Variants in NPRL3 observed in about 807,000 individuals in gnomAD.
NPRL3 encodes the protein NPR3 like, GATOR1 complex subunit, also known as GATOR1 complex protein NPRL3.
Under a neutral mutation model 57.2 loss-of-function variants are expected in NPRL3, and 23 were observed. That is an observed-to-expected ratio of 0.40 (90% CI 0.29 to 0.57). The LOEUF (loss-of-function observed/expected upper bound fraction) is 0.57. Among genes scored for constraint, NPRL3 ranks in the 20% least tolerant of loss-of-function variants. The pLI is 0.42. For synonymous variants in NPRL3, 333 were observed against 321.1 expected (o/e 1.04, Z -0.39); for missense variants, 691 against 767.1 (o/e 0.90, Z 1.17).
At chr16:110,661 C>T in intron 6 of NPRL3, 55 bp from the exon 7 acceptor site, 5 of 1,441,934 alleles carry the variant, frequency 3.5e-6, no homozygotes, top group Non-Finnish European at 4.8e-6. Flanking sequence ...GATTCTCCTG[C>T]CTCAGCCTTC....
At chr16:95,384 C>A (rs973950433) in intron 9 of NPRL3, among the ~76,000 whole-genome samples, 309 of 116,122 alleles carry the variant, frequency 2.7e-3, no homozygotes, top group African/African-American at 8.6e-3. Flanking sequence ...CACACACACA[C>A]AATAAAATGT....
At chr16:103,270 A>G (rs1413237556) in intron 7 of NPRL3, among the ~76,000 whole-genome samples, 8 of 139,278 alleles carry the variant, frequency 5.7e-5, no homozygotes, top group African/African-American at 2.2e-4. Flanking sequence ...CTGGGACTAC[A>G]GACGTGCAAC....
intron 2 of NPRL3, among the ~76,000 whole-genome samples, chr16:136,928 C>T (rs1901116311): frequency 6.6e-6 from 1 of 151,778 alleles, no homozygotes; most frequent in East Asian, 1.9e-4. Flanking sequence ...ACTGAACAGT[C>T]CGGGTGCGGT....
intron 3 of NPRL3, among the ~76,000 whole-genome samples, chr16:129,129 A>G (rs998747292): frequency 6.6e-6 from 1 of 152,180 alleles, no homozygotes; most frequent in African/African-American, 2.4e-5. Context: ...CTGAAAATTA[A>G]CTGCAGGAAT....
chr16:97,090 C>T (rs1453290765), intron 9 of NPRL3, among the ~76,000 whole-genome samples: 3 of 152,242 alleles, frequency 2.0e-5, no homozygotes, highest in Non-Finnish European at 2.9e-5. Flanking sequence ...CTGTGCACAC[C>T]GCCACCAGAC....
In NPRL3 at chr16:91,419, G is replaced by C. The variant is rs79057535; in HGVS notation, c.1161+1177C>G. ...AAAACAGAGGGGCTTCCCAGCACTGGAGCCCAGGCAGAACCTGGCTGACCT... is the reference window on the plus strand; with the variant it reads ...AAAACAGAGGGGCTTCCCAGCACTGCAGCCCAGGCAGAACCTGGCTGACCT... On this transcript the variant is annotated intron_variant, in intron 11 of 13. Coordinates refer to ENST00000611875, the MANE Select transcript of NPRL3 (RefSeq NM_001077350.3). Among the ~76,000 whole-genome samples the C allele has an allele frequency of 4.1e-3, 630 of 152,284 alleles. 5 individuals are homozygous for C. Among genetic ancestry groups the C allele is most frequent in the African/African-American group, 0.015 (607 of 41,562 alleles).
chr16:118,078 G>A lies in NPRL3; in HGVS notation c.319-703C>T, dbSNP rs972118944. Among the ~76,000 whole-genome samples, 33 of 152,180 alleles carry A rather than the reference G, an allele frequency of 2.2e-4. 1 individual carries two copies. Among genetic ancestry groups the A allele is most frequent in the African/African-American group, 7.7e-4 (32 of 41,432 alleles). On this transcript the variant is annotated intron_variant, in intron 4 of 13. Coordinates refer to ENST00000611875, the MANE Select transcript of NPRL3 (RefSeq NM_001077350.3). ...TAGGGGACTGTGCCCCAGCTGTGGA[G>A]GCTGTGATGAGAAGGGAGGGTGCGG...
At chr16:95,008 T>C (rs1439084985) in intron 9 of NPRL3, among the ~76,000 whole-genome samples, 5 of 151,912 alleles carry the variant, frequency 3.3e-5, no homozygotes, top group Non-Finnish European at 5.9e-5. Context: ...TCCTGCCTCT[T>C]CAACGGCCAG....
intron 12 of NPRL3, chr16:89,405 T>G (rs1186198089): frequency 5.6e-6 from 2 of 358,484 alleles, no homozygotes; most frequent in East Asian, 5.2e-5. Context: ...GCTGTCCTGG[T>G]AGTGGTATGA....
chr16:122,861 C>T (rs992279574), intron 3 of NPRL3, among the ~76,000 whole-genome samples: 7 of 152,172 alleles, frequency 4.6e-5, no homozygotes, highest in African/African-American at 1.2e-4. Context: ...CAACTCTGCT[C>T]GCCCCACCCA....
At chr16:123,279 G>A (rs1380671170) in intron 3 of NPRL3, among the ~76,000 whole-genome samples, 1 of 152,136 alleles carries the variant, frequency 6.6e-6, no homozygotes. Context: ...AGCCAGCCAT[G>A]CCTTGGCCTC....
At chr16:106,260 A>T (rs1053110160) in intron 7 of NPRL3, among the ~76,000 whole-genome samples, 1 of 152,060 alleles carries the variant, frequency 6.6e-6, no homozygotes, top group Non-Finnish European at 1.5e-5. Context: ...GTGAACTGAG[A>T]TTGTGCCATT....
rs549838515 is a variant in NPRL3, at chr16:87,616, C to T, written c.1545-746G>A. Among the ~76,000 whole-genome samples, 8 of 150,352 alleles carry T rather than the reference C, an allele frequency of 5.3e-5. No individual in the cohort carries two copies. In the East Asian group the frequency reaches 1.6e-3, roughly 29 times the overall value. On this transcript the variant is annotated intron_variant, in intron 13 of 13. Coordinates refer to ENST00000611875, the MANE Select transcript of NPRL3 (RefSeq NM_001077350.3). ...GTGGCGCGATCTGGGCTCACTGCAA[C>T]TCCCGCCTTCCCGCCATTCTCCTCC... is the stretch of plus-strand genomic sequence containing the variant.
intron 5 of NPRL3, among the ~76,000 whole-genome samples, chr16:114,425 G>A (rs571226094): frequency 2.6e-5 from 4 of 152,290 alleles, no homozygotes; most frequent in East Asian, 1.9e-4. Flanking sequence ...AAGGCATCAC[G>A]CATGAGACTT....
At position 85,468 on chromosome 16, in the gene NPRL3, T is replaced by G. The variant is rs903855275; in HGVS notation, c.*1237A>C. 1.9e-6 allele frequency: 3 copies of G among 1,612,960 alleles called. No homozygotes were observed. The highest frequency in any genetic ancestry group is 2.7e-5 in the African/African-American group (2 of 74,926). On this transcript the variant is annotated 3_prime_UTR_variant, in exon 14 of 14. Coordinates refer to ENST00000611875, the MANE Select transcript of NPRL3 (RefSeq NM_001077350.3). ...AAGGTCTGGAGACCATGCGTCAGCTTCGCAGCACCCTCCGGAAAGGCACCG... is the reference window on the plus strand; with the variant it reads ...AAGGTCTGGAGACCATGCGTCAGCTGCGCAGCACCCTCCGGAAAGGCACCG...
chr16:104,069 T>G (rs1005996207), intron 7 of NPRL3, among the ~76,000 whole-genome samples: 1 of 149,700 alleles, frequency 6.7e-6, no homozygotes, highest in South Asian at 2.1e-4. Flanking sequence ...GAGGTTGCAC[T>G]GAGCTGAGAT....
At chr16:101,841 G>A (rs1227082530) in intron 7 of NPRL3, among the ~76,000 whole-genome samples, 2 of 152,052 alleles carry the variant, frequency 1.3e-5, no homozygotes, top group East Asian at 1.9e-4. Flanking sequence ...TTACTCCATC[G>A]GTCTCCACTC....
intron 9 of NPRL3, among the ~76,000 whole-genome samples, chr16:94,951 G>C (rs1221213636): frequency 6.6e-6 from 1 of 152,046 alleles, no homozygotes. Flanking sequence ...CAAGCATAAG[G>C]TGCCAGCAGG....
chr16:133,561 G>C (rs1261446663), intron 2 of NPRL3, among the ~76,000 whole-genome samples: 1 of 151,704 alleles, frequency 6.6e-6, no homozygotes, highest in Non-Finnish European at 1.5e-5. Flanking sequence ...TTAAGAGTCA[G>C]GGTCTCCCTA....
Sources: gnomAD v4.1 joint callset for allele counts (sites outside exome capture counted in the v4.1 genomes callset) on GRCh38, gnomAD v4.1.1 for gene constraint, MANE v1.5 for transcripts, NCBI Gene and HGNC (gene_info 2026-07-23, HGNC 2026-07-21) for gene names.